The following ZC3H13 variants were observed in gnomAD, a reference collection of about 807,000 sequenced individuals.
ZC3H13 encodes the protein zinc finger CCCH domain-containing protein 13.
In ZC3H13, 64 loss-of-function variants were observed where a neutral mutation model predicts 204.1. That is an observed-to-expected ratio of 0.31 (90% CI 0.26 to 0.39). The LOEUF is 0.39. ZC3H13 is among the 10% of genes least tolerant of loss of function. The pLI is 1.00. For missense variants in ZC3H13, 1,833 were observed against 2,082.7 expected, an observed-to-expected ratio of 0.88 and a Z score of 2.33; for synonymous variants, 667 against 693.7, an observed-to-expected ratio of 0.96 and a Z score of 0.60.
intron 5 of ZC3H13, among the ~76,000 whole-genome samples, chr13:46,016,833 T>C (rs1353900541): frequency 2.0e-5 from 3 of 152,174 alleles, no homozygotes; most frequent in Non-Finnish European, 4.4e-5. Flanking sequence ...TAGGAGGTTA[T>C]TTTGGTAAAA....
At chr13:45,981,098 T>C (rs1953549604) in intron 10 of ZC3H13, among the ~76,000 whole-genome samples, 1 of 152,194 alleles carries the variant, frequency 6.6e-6, no homozygotes, top group African/African-American at 2.4e-5. Flanking sequence ...AAAAAAGCTT[T>C]TTTTGAGCAG....
Position 45,967,585 on chromosome 13 carries a change from T to C in ZC3H13, c.4240A>G (p.Lys1414Glu), listed in dbSNP as rs756586503. The C allele has an allele frequency of 6.2e-7, 1 of 1,613,208 alleles. No homozygotes were observed. The highest frequency in any genetic ancestry group is 8.5e-7 in the Non-Finnish European group (1 of 1,179,608). ...STSRDSLALD[K>E]ERMDKDLGSV... is the part of the protein sequence containing the mutation. ...CCCAGATCTTTATCCATTCTCTCTT[T>C]ATCCAAGGCTAGAGAGTCTCGGGAA... The change falls in exon 15 of 19, where the codon AAA (lysine) becomes GAA (glutamate). Residue 1414 changes from lysine (K) to glutamate (E), a missense_variant. Around this residue, in one of 5 missense-constraint regions of ZC3H13, gnomAD observed 1,574 missense variants for 1,757.2 expected, o/e 0.90. Coordinates refer to ENST00000679008, the MANE Select transcript of ZC3H13 (RefSeq NM_001330564.2).
At chr13:46,010,576 AG>A (rs2041482631) in intron 6 of ZC3H13, 71 bp from the exon 7 acceptor site, 1 of 1,475,058 alleles carries the variant, frequency 6.8e-7, no homozygotes, top group South Asian at 1.2e-5. Flanking sequence ...ACAGTATTTT[AG>A]AATCACACCA....
At chr13:45,982,859 G>C (rs970517773) in intron 10 of ZC3H13, among the ~76,000 whole-genome samples, 2 of 152,130 alleles carry the variant, frequency 1.3e-5, no homozygotes, top group East Asian at 1.9e-4. Context: ...TTTCAGATTA[G>C]GGATGCTCAA....
At chr13:46,035,979 T>C (rs2043185408) in intron 4 of ZC3H13, among the ~76,000 whole-genome samples, 1 of 151,922 alleles carries the variant, frequency 6.6e-6, no homozygotes, top group Non-Finnish European at 1.5e-5. Flanking sequence ...AATATCAAGA[T>C]GGCAGAAAAA....
intron 12 of ZC3H13, among the ~76,000 whole-genome samples, chr13:45,974,003 A>G (rs761055070): frequency 2.0e-5 from 3 of 152,230 alleles, no homozygotes; most frequent in Non-Finnish European, 2.9e-5. Context: ...CATAATCCAC[A>G]ATAGTGAGGA....
At chr13:45,974,115 T>G (rs1197780502) in intron 12 of ZC3H13, among the ~76,000 whole-genome samples, 1 of 152,198 alleles carries the variant, frequency 6.6e-6, no homozygotes, top group East Asian at 1.9e-4. Flanking sequence ...TCTCAGTATG[T>G]TTTGGCAAGG....
At chr13:45,977,730 A>G (rs1017105296) in intron 11 of ZC3H13, among the ~76,000 whole-genome samples, 6 of 120,366 alleles carry the variant, frequency 5.0e-5, no homozygotes, top group African/African-American at 2.0e-4. Flanking sequence ...TTAGATGCCT[A>G]TGTCATCAAC....
At position 45,970,473 on chromosome 13, in the gene ZC3H13, G is replaced by A; in HGVS notation, c.2469-8C>T. Reference sequence around the variant, plus strand: ...TCATTTCTATAGCGCTTCCTAAATTGGACAAGCAAACACAATTTATAAAAT... The same window carrying A: ...TCATTTCTATAGCGCTTCCTAAATTAGACAAGCAAACACAATTTATAAAAT... On this transcript the variant is annotated splice_polypyrimidine_tract_variant and splice_region_variant and intron_variant, in intron 12 of 18. Coordinates refer to ENST00000679008, the MANE Select transcript of ZC3H13 (RefSeq NM_001330564.2). 1.2e-6 allele frequency: 2 copies of A among 1,606,340 alleles called. No homozygotes were observed. Among genetic ancestry groups the A allele is most frequent in the Non-Finnish European group, 1.7e-6 (2 of 1,176,892 alleles).
intron 4 of ZC3H13, among the ~76,000 whole-genome samples, chr13:46,034,457 G>A (rs2043090911): frequency 6.6e-6 from 1 of 152,092 alleles, no homozygotes; most frequent in Non-Finnish European, 1.5e-5. Context: ...AGCAATAAAA[G>A]GAATGAACTA....
rs767294071 is a variant in ZC3H13, at chr13:45,975,884, C to T, written c.1913-46G>A. 4 of 1,583,184 alleles carry T rather than the reference C, an allele frequency of 2.5e-6. No homozygotes were observed. The East Asian group carries it at 9.0e-5, about 36-fold the overall frequency. On this transcript the variant is annotated intron_variant, in intron 11 of 18. Coordinates refer to ENST00000679008, the MANE Select transcript of ZC3H13 (RefSeq NM_001330564.2). Reference sequence around the variant, plus strand: ...TGTCAGTGATTAATTTGACAGATAACCTATTGGTAAGACAGCATGGTAAAT... The same window carrying T: ...TGTCAGTGATTAATTTGACAGATAATCTATTGGTAAGACAGCATGGTAAAT...
intron 11 of ZC3H13, 33 bp downstream of exon 11, chr13:45,979,780 G>T: frequency 6.5e-7 from 1 of 1,527,240 alleles, no homozygotes; most frequent in Non-Finnish European, 8.8e-7. Flanking sequence ...AATTGATATT[G>T]TTCACTATTT....
intron 14 of ZC3H13, 126 bp from the exon 15 acceptor site, chr13:45,968,154 C>A: frequency 1.1e-6 from 1 of 905,046 alleles, no homozygotes; most frequent in Non-Finnish European, 1.6e-6. Context: ...TTTCTATGTT[C>A]CATATTGTCT....
At chr13:45,985,241 G>A (rs1390617826) in intron 10 of ZC3H13, 56 bp downstream of exon 10, 3 of 1,433,168 alleles carry the variant, frequency 2.1e-6, no homozygotes, top group Non-Finnish European at 1.9e-6. Context: ...AGAAATCTTA[G>A]GAGATTTTAT....
chr13:45,971,011 T>C (rs1952538479), intron 12 of ZC3H13, among the ~76,000 whole-genome samples: 1 of 152,088 alleles, frequency 6.6e-6, no homozygotes, highest in Non-Finnish European at 1.5e-5. Flanking sequence ...GAAATGAGAG[T>C]CCATTTCATA....
intron 17 of ZC3H13, among the ~76,000 whole-genome samples, chr13:45,961,963 TA>T (rs36089327): frequency 1.3e-5 from 2 of 152,228 alleles, no homozygotes; most frequent in Non-Finnish European, 2.9e-5. Context: ...AGTACACTTA[TA>T]AATTTTCTGT....
chr13:45,990,127 G>A (rs1054928969), intron 8 of ZC3H13, among the ~76,000 whole-genome samples: 7 of 152,024 alleles, frequency 4.6e-5, no homozygotes, highest in Admixed American at 4.6e-4. Context: ...TAACTCTTCG[G>A]AGGAGGGGGA....
chr13:45,998,228 G>T (rs911951600), intron 8 of ZC3H13, among the ~76,000 whole-genome samples: 2 of 152,086 alleles, frequency 1.3e-5, no homozygotes, highest in African/African-American at 4.8e-5. Flanking sequence ...ACATAGGTTT[G>T]GTTCCCACAA....
intron 3 of ZC3H13, 60 bp downstream of exon 3, chr13:46,044,895 A>T: frequency 8.1e-7 from 1 of 1,231,678 alleles, no homozygotes; most frequent in Non-Finnish European, 1.1e-6. Context: ...TTTTTATACT[A>T]GATAAATTAC....
Sources: gnomAD v4.1 joint callset for allele counts (sites outside exome capture counted in the v4.1 genomes callset) on GRCh38, gnomAD v4.1.1 for gene constraint, gnomAD v4.1.1 regional missense constraint, MANE v1.5 for transcripts, NCBI Gene and HGNC (gene_info 2026-07-23, HGNC 2026-07-21) for gene names.